The following LCA5 variants were observed in gnomAD, a reference collection of about 807,000 sequenced individuals.
The protein encoded by LCA5 is lebercilin LCA5.
In LCA5, 37 loss-of-function variants were observed where a neutral mutation model predicts 53.0. The ratio of observed to expected loss-of-function variants is 0.70; its 90% CI spans 0.54 to 0.92. The LOEUF (loss-of-function observed/expected upper bound fraction) is 0.92, where lower values mean the gene tolerates loss of function less well. Among genes scored for constraint, LCA5 ranks in the 40% least tolerant of loss-of-function variants. LCA5 has a pLI of 0.00. For synonymous variants in LCA5, 303 were observed against 282.9 expected (o/e 1.07, Z -0.71); for missense variants, 806 against 790.5 (o/e 1.02, Z -0.23).
intron 1 of LCA5, among the ~76,000 whole-genome samples, chr6:79,535,430 G>T (rs944559601): frequency 2.0e-5 from 3 of 152,168 alleles, no homozygotes; most frequent in African/African-American, 7.2e-5. Flanking sequence ...AGTATAACTA[G>T]AGATACAGAG....
Position 79,509,124 on chromosome 6 carries a change from T to C in LCA5, c.720+4088A>G, listed in dbSNP as rs117768076. ...CCCTCAAATAACAAGAGAGCTACTA[T>C]AGTACAACAGCTGATATGAGGTTAT... On this transcript the variant is annotated intron_variant, in intron 3 of 7. Transcript: ENST00000369846. 2.5e-3 allele frequency among the ~76,000 whole-genome samples: 380 copies of C among 152,212 alleles called. 3 individuals carry two copies. The highest frequency in any genetic ancestry group is 4.2e-3 in the Non-Finnish European group (285 of 67,990).
chr6:79,489,167 T>A lies in LCA5; in HGVS notation c.1148A>T (p.Asn383Ile), dbSNP rs749281365. 6.2e-7 allele frequency: 1 copy of A among 1,612,890 alleles called. No homozygotes were observed. Among genetic ancestry groups the A allele is most frequent in the Non-Finnish European group, 8.5e-7 (1 of 1,179,658 alleles). ...QDRHGEAGIL[N>I]PIMEREEKFV... Reference sequence around the variant, plus strand: ...TTTTTCTTCTCTTTCCATAATTGGGTTTAGAATCCCTGCTTCTCCATGCCT... The same window carrying A: ...TTTTTCTTCTCTTTCCATAATTGGGATTAGAATCCCTGCTTCTCCATGCCT... Residue 383 changes from asparagine to isoleucine, a missense_variant, in exon 7 of 8, where the codon AAC becomes ATC. Coordinates refer to ENST00000369846, the MANE Select transcript of LCA5 (RefSeq NM_001122769.3).
At chr6:79,497,184 G>A (rs146090304) in intron 3 of LCA5, among the ~76,000 whole-genome samples, 11 of 152,058 alleles carry the variant, frequency 7.2e-5, no homozygotes, top group Non-Finnish European at 1.0e-4. Flanking sequence ...GATAAATACC[G>A]GATCAGAAAA....
At chr6:79,493,859 C>A (rs1769909335) in intron 3 of LCA5, 109 bp from the exon 4 acceptor site, 2 of 771,494 alleles carry the variant, frequency 2.6e-6, no homozygotes, top group East Asian at 5.4e-5. Context: ...CCAAGACCTA[C>A]AAATCAGACT....
At chr6:79,495,624 G>A (rs760995521) in intron 3 of LCA5, among the ~76,000 whole-genome samples, 7 of 151,692 alleles carry the variant, frequency 4.6e-5, no homozygotes, top group Admixed American at 1.3e-4. Context: ...GGTGGCACGC[G>A]CCTGTAGTCC....
intron 3 of LCA5, among the ~76,000 whole-genome samples, chr6:79,508,846 G>A (rs1298846393): frequency 6.6e-6 from 1 of 152,146 alleles, no homozygotes; most frequent in Non-Finnish European, 1.5e-5. Flanking sequence ...AGTTAGAAGA[G>A]AAAGGATCAA....
chr6:79,487,652 T>C lies in LCA5; in HGVS notation c.1446A>G (p.Arg482=). ...NEIDRELQDS[R]NLKYPVLPLL... is the part of the protein sequence containing the mutation. The stretch of plus-strand genomic sequence containing the variant: ...ATGGCAAAACAGGGTATTTTAGATT[T>C]CGAGAATCTTGGAGTTCTCTGTCAA... The change falls in exon 8 of 8, where the codon CGA becomes CGG. Residue 482 remains arginine (R), a synonymous_variant. Transcript: ENST00000369846. 6.2e-7 allele frequency: 1 copy of C among 1,614,050 alleles called. No individual in the cohort carries two copies. The highest frequency in any genetic ancestry group is 8.5e-7 in the Non-Finnish European group (1 of 1,179,936).
intron 6 of LCA5, 35 bp from the exon 7 acceptor site, chr6:79,489,251 T>C (rs1321227469): frequency 8.7e-6 from 14 of 1,603,914 alleles, no homozygotes; most frequent in Non-Finnish European, 1.2e-5. Flanking sequence ...AGTTCACAAA[T>C]TATAGAAAAG....
intron 1 of LCA5, among the ~76,000 whole-genome samples, chr6:79,530,727 C>T (rs922571616): frequency 2.0e-5 from 3 of 151,730 alleles, no homozygotes; most frequent in African/African-American, 7.2e-5. Context: ...GAAACTTAGA[C>T]ACTTGTGAAA....
intron 1 of LCA5, among the ~76,000 whole-genome samples, chr6:79,535,719 A>C (rs1374051330): frequency 2.0e-5 from 3 of 152,216 alleles, no homozygotes; most frequent in Non-Finnish European, 2.9e-5. Context: ...AAAGTTCCAG[A>C]TCAGAAATAA....
rs141984664 is a variant in LCA5 at position 79,485,821 on chromosome 6, C to T, written c.*1183G>A. On this transcript the variant is annotated 3_prime_UTR_variant, in exon 8 of 8. Coordinates refer to ENST00000369846, the MANE Select transcript of LCA5 (RefSeq NM_001122769.3). Reference sequence around the variant, plus strand: ...CCACTCTTCATTTTAACAATGTTTTCTCCTTGGGCTGGTGGTATATTACTG... The same window carrying T: ...CCACTCTTCATTTTAACAATGTTTTTTCCTTGGGCTGGTGGTATATTACTG... 247 of 152,272 alleles carry T rather than the reference C, an allele frequency of 1.6e-3. No homozygotes were observed. Among genetic ancestry groups the T allele is most frequent in the African/African-American group, 5.7e-3 (237 of 41,564 alleles). 9.4% of individuals were successfully genotyped at this position (152,272 alleles called of 1,614,324 possible). A position where few individuals can be genotyped will look rare whatever the true frequency, so the allele number is the denominator to read the frequency against.
At chr6:79,535,410 T>G (rs756190115) in intron 1 of LCA5, among the ~76,000 whole-genome samples, 2 of 152,110 alleles carry the variant, frequency 1.3e-5, no homozygotes, top group African/African-American at 4.8e-5. Context: ...ACAGACAGTG[T>G]TTTGAAAGTA....
chr6:79,508,830 T>C (rs921337910), intron 3 of LCA5, among the ~76,000 whole-genome samples: 2 of 152,158 alleles, frequency 1.3e-5, no homozygotes, highest in Non-Finnish European at 2.9e-5. Flanking sequence ...GGTTTGACTA[T>C]AACTGAGTTA....
intron 3 of LCA5, among the ~76,000 whole-genome samples, chr6:79,497,485 A>T (rs1290076571): frequency 1.3e-5 from 2 of 152,240 alleles, no homozygotes; most frequent in African/African-American, 4.8e-5. Flanking sequence ...ATGAAACATA[A>T]GAGAAATACG....
intron 1 of LCA5, among the ~76,000 whole-genome samples, chr6:79,535,294 G>A (rs1414772562): frequency 6.6e-6 from 1 of 152,064 alleles, no homozygotes; most frequent in Non-Finnish European, 1.5e-5. Flanking sequence ...CTCTTCAGTA[G>A]GGTTAATATT....
At chr6:79,497,915 G>A (rs1770025946) in intron 3 of LCA5, among the ~76,000 whole-genome samples, 1 of 147,568 alleles carries the variant, frequency 6.8e-6, no homozygotes, top group South Asian at 2.1e-4. Flanking sequence ...GGAGGTTGCA[G>A]TGAGCCACTC....
At position 79,487,697 on chromosome 6, in the gene LCA5, T is replaced by C. The variant is rs781624985; in HGVS notation, c.1401A>G (p.Leu467=). ...TGTCAATTTCATTCAGTTTAGCAAG[T>C]AGCATTTCTCTCTTCAGTCTTTCTT... ...EEEERLKREM[L]LAKLNEIDRE... The change falls in exon 8 of 8, where the codon CTA becomes CTG. Residue 467 remains leucine (L), a synonymous_variant. Transcript: ENST00000369846. 7 of 1,613,700 alleles carry C rather than the reference T, an allele frequency of 4.3e-6. No individual in the cohort carries two copies. In the South Asian group the frequency reaches 4.4e-5, roughly 10 times the overall value.
chr6:79,494,511 A>AT (rs1215084128), intron 3 of LCA5, among the ~76,000 whole-genome samples: 31 of 152,096 alleles, frequency 2.0e-4, no homozygotes, highest in African/African-American at 7.2e-4. Context: ...AGATAGATAG[A>AT]TAACAAATAT....
At position 79,486,696 on chromosome 6, in the gene LCA5, G is replaced by C. The variant is rs1261036512; in HGVS notation, c.*308C>G. On this transcript the variant is annotated 3_prime_UTR_variant, in exon 8 of 8. Transcript: ENST00000369846. ...AATAAATACATAAATAGGAATAAAA[G>C]TAGAAAAGGAATACCACCTCCAGTG... 8.1e-6 allele frequency: 2 copies of C among 247,544 alleles called. No individual in the cohort carries two copies. The highest frequency in any genetic ancestry group is 4.6e-5 in the African/African-American group (2 of 43,580). 15.3% of individuals were successfully genotyped at this position (247,544 alleles called of 1,614,324 possible). A position where few individuals can be genotyped will look rare whatever the true frequency, so the allele number is the denominator to read the frequency against.
Sources: gnomAD v4.1 joint callset for allele counts (sites outside exome capture counted in the v4.1 genomes callset) on GRCh38, gnomAD v4.1.1 for gene constraint, MANE v1.5 for transcripts, NCBI Gene and HGNC (gene_info 2026-07-23, HGNC 2026-07-21) for gene names.